Variants in MDN1 observed in about 807,000 individuals in gnomAD.
The protein encoded by MDN1 is midasin AAA ATPase 1.
MDN1 carries 266 observed loss-of-function variants against 669.2 expected under a neutral mutation model. The observed-to-expected ratio is 0.40, with a 90% confidence interval of 0.36 to 0.44. The LOEUF is 0.44. MDN1 is among the 20% of genes least tolerant of loss of function. The pLI is 1.00. For missense variants in MDN1, 5,940 were observed against 6,754.0 expected (o/e 0.88, Z 4.22); for synonymous variants, 2,385 against 2,457.1 (o/e 0.97, Z 0.87).
At chr6:89,716,565 T>A in intron 44 of MDN1, 85 bp downstream of exon 44, 1 of 1,446,504 alleles carries the variant, frequency 6.9e-7, no homozygotes, top group Non-Finnish European at 9.3e-7. Flanking sequence ...AGCTTCAAAA[T>A]ACCAGCACTT....
rs774954944 is a variant in MDN1 at position 89,819,653 on chromosome 6, G to C, written c.-46C>G. ...AGCGGCCACCTGCGCTCCCTACTTC[G>C]CGGCCAGCGTCCCCAAGCCGCCGAG... is the stretch of plus-strand genomic sequence containing the variant. On this transcript the variant is annotated 5_prime_UTR_variant, in exon 1 of 102. Transcript: ENST00000369393. The C allele has an allele frequency of 1.3e-6, 2 of 1,540,450 alleles. No homozygotes were observed. Among genetic ancestry groups the C allele is most frequent in the South Asian group, 2.2e-5 (2 of 89,750 alleles).
At chr6:89,684,695 T>C (rs569640535) in intron 71 of MDN1, among the ~76,000 whole-genome samples, 181 bp downstream of exon 71, 1 of 152,314 alleles carries the variant, frequency 6.6e-6, no homozygotes, top group South Asian at 2.1e-4. Context: ...TCACACACTC[T>C]GCAGGTGACA....
In MDN1 at chr6:89,794,107, T is replaced by G; in HGVS notation, c.655A>C (p.Arg219=). Residue 219 remains arginine (R), a synonymous_variant, in exon 4 of 102, where the codon AGG becomes CGG. Coordinates refer to ENST00000369393, the MANE Select transcript of MDN1 (RefSeq NM_014611.3). ...IFNSDELIHF[R]LRLLEEAQLQ... ...ACGAAGGTTCCTGCTTACCTCAACC[T>G]GAAATGGATCAATTCATCACTATTA... The G allele has an allele frequency of 6.3e-7, 1 of 1,575,680 alleles. No individual in the cohort carries two copies. The highest frequency in any genetic ancestry group is 1.9e-5 in the Admixed American group (1 of 51,298).
intron 94 of MDN1, 73 bp from the exon 95 acceptor site, chr6:89,652,354 C>T (rs533903663): frequency 7.6e-5 from 86 of 1,138,534 alleles, no homozygotes; most frequent in Admixed American, 5.9e-4. Flanking sequence ...GGGTGTCTTC[C>T]GCCCTACAGT....
chr6:89,776,955 T>C (rs757936686), intron 11 of MDN1, among the ~76,000 whole-genome samples: 2 of 152,150 alleles, frequency 1.3e-5, no homozygotes, highest in Non-Finnish European at 2.9e-5. Flanking sequence ...ACACCCCACT[T>C]TGCAAATCCT....
intron 2 of MDN1, chr6:89,797,988 G>A (rs1474305921): frequency 6.3e-6 from 1 of 158,106 alleles, no homozygotes; most frequent in Non-Finnish European, 1.4e-5. Context: ...AGACCATCCT[G>A]GCTAACACGG....
Position 89,718,910 on chromosome 6 carries a change from A to T in MDN1, c.6178T>A (p.Trp2060Arg), listed in dbSNP as rs1443852481. 1 of 1,614,182 alleles carries T rather than the reference A, an allele frequency of 6.2e-7. No homozygotes were observed. The highest frequency in any genetic ancestry group is 1.1e-5 in the South Asian group (1 of 91,076). The change falls in exon 42 of 102, where the codon TGG becomes AGG. Residue 2060 changes from tryptophan (W) to arginine (R), a missense_variant. Trp to Arg is a moderately radical substitution (Grantham distance 101). Around this residue, in one of 5 missense-constraint regions of MDN1, gnomAD observed 2,292 missense variants for 2,638.3 expected, o/e 0.87. Transcript: ENST00000369393. Reference protein sequence around the residue: ...ESIMKCVQMSWMVILVGPASV... With the variant: ...ESIMKCVQMSRMVILVGPASV... ...GCTGGCCCGACCAGGATGACCATCC[A>T]GCTCATCTGCACACACTTCATGATT...
rs1816416865 is a variant in MDN1, at chr6:89,743,694, C to G, written c.4199G>C (p.Cys1400Ser). The change falls in exon 30 of 102, where the codon TGT becomes TCT. Residue 1400 changes from cysteine (C) to serine (S), a missense_variant. By Grantham distance (112) the Cys-to-Ser change is moderately radical. Coordinates refer to ENST00000369393, the MANE Select transcript of MDN1 (RefSeq NM_014611.3). ...GDTGCGKTTI[C>S]QVFAALANQK... ...ATTTGCCAAGGCTGCAAATACCTGA[C>G]AGATAGTAGTTTTCCCACACCTGTT... is the stretch of plus-strand genomic sequence containing the variant. 3 of 1,614,064 alleles carry G rather than the reference C, an allele frequency of 1.9e-6. No homozygotes were observed. The highest frequency in any genetic ancestry group is 2.2e-5 in the East Asian group (1 of 44,872).
chr6:89,801,488 T>C (rs1767655368), intron 2 of MDN1, among the ~76,000 whole-genome samples: 1 of 152,022 alleles, frequency 6.6e-6, no homozygotes, highest in Non-Finnish European at 1.5e-5. Context: ...CCATCTCTAC[T>C]AAAAATACAA....
At chr6:89,723,757 A>G in intron 38 of MDN1, 138 bp from the exon 39 acceptor site, 2 of 489,584 alleles carry the variant, frequency 4.1e-6, no homozygotes, top group Non-Finnish European at 6.9e-6. Flanking sequence ...AGTTATAGAA[A>G]TTTCTTTTTT....
chr6:89,715,970 C>G (rs1473025081), intron 44 of MDN1, among the ~76,000 whole-genome samples: 1 of 152,160 alleles, frequency 6.6e-6, no homozygotes, highest in Non-Finnish European at 1.5e-5. Flanking sequence ...AGCCCAGGGC[C>G]TTATACACAG....
rs114499877 is a variant in MDN1 at position 89,712,762 on chromosome 6, G to A, written c.7243C>T (p.His2415Tyr). ...RKLVQALLEK[H>Y]VSSLRAHETW... ...TCATGTGCTCGCAAAGAAGAAACAT[G>A]TTTCTCCAGTAAAGCCTGTACAAGC... is the stretch of plus-strand genomic sequence containing the variant. Residue 2415 changes from histidine to tyrosine, a missense_variant, in exon 48 of 102, where the codon CAT becomes TAT. Physicochemically the swap from His to Tyr is moderately conservative, Grantham distance 83. Around this residue, in one of 5 missense-constraint regions of MDN1, gnomAD observed 2,292 missense variants for 2,638.3 expected, o/e 0.87. Coordinates refer to ENST00000369393, the MANE Select transcript of MDN1 (RefSeq NM_014611.3). 6.2e-7 allele frequency: 1 copy of A among 1,614,096 alleles called. No homozygotes were observed. The highest frequency in any genetic ancestry group is 1.3e-5 in the African/African-American group (1 of 75,030).
At chr6:89,755,379 CAAA>C (rs143855867) in intron 20 of MDN1, among the ~76,000 whole-genome samples, 53 of 121,190 alleles carry the variant, frequency 4.4e-4, no homozygotes, top group Middle Eastern at 4.3e-3. Flanking sequence ...CTCCTGTATC[CAAA>C]AAAAAAAAAA....
At position 89,650,074 on chromosome 6, in the gene MDN1, A is replaced by G; in HGVS notation, c.16156T>C (p.Cys5386Arg). Residue 5386 changes from cysteine to arginine, a missense_variant, in exon 97 of 102, where the codon TGT becomes CGT. This residue lies in a region of MDN1 where 2,280 missense variants were observed against 2,576.3 expected (regional missense o/e 0.88). Transcript: ENST00000369393. ...CTAGAAGAGTCATCGATAGCCAAAC[A>G]AATCTGATACTGGCGTTTACTGGGC... ...TKPSKRQYQICLAIDDSSSMV... is the reference protein window; with the variant it reads ...TKPSKRQYQIRLAIDDSSSMV... The G allele has an allele frequency of 1.2e-6, 2 of 1,614,144 alleles. No individual in the cohort carries two copies. The highest frequency in any genetic ancestry group is 2.2e-5 in the East Asian group (1 of 44,872).
rs533535879 is a variant in MDN1, at chr6:89,721,675, C to T, written c.5967+1280G>A. On this transcript the variant is annotated intron_variant, in intron 40 of 101. Transcript: ENST00000369393. The stretch of plus-strand genomic sequence containing the variant: ...GTGCAGCGGCCTTTGAAGCTTACTA[C>T]AGCCTCAAACTTCTGGGCTCAAGTG... 1.6e-4 allele frequency among the ~76,000 whole-genome samples: 24 copies of T among 152,272 alleles called. No homozygotes were observed. The East Asian group carries it at 4.6e-3, about 29-fold the overall frequency.
intron 17 of MDN1, among the ~76,000 whole-genome samples, chr6:89,759,805 C>T (rs1037097200): frequency 6.6e-6 from 1 of 151,560 alleles, no homozygotes; most frequent in African/African-American, 2.4e-5. Flanking sequence ...GGGGCAATGG[C>T]TCATGCCTGT....
intron 7 of MDN1, among the ~76,000 whole-genome samples, chr6:89,788,253 C>T (rs1819071649): frequency 6.6e-6 from 1 of 152,120 alleles, no homozygotes; most frequent in African/African-American, 2.4e-5. Context: ...GGCAGGCATG[C>T]AAATTCCCAC....
At chr6:89,779,542 G>A (rs1240724576) in intron 11 of MDN1, among the ~76,000 whole-genome samples, 3 of 152,076 alleles carry the variant, frequency 2.0e-5, no homozygotes, top group East Asian at 1.9e-4. Context: ...TAGAGGGATC[G>A]GATAGTTACA....
intron 83 of MDN1, among the ~76,000 whole-genome samples, chr6:89,670,170 ATTT>A (rs766450069): frequency 1.7e-4 from 4 of 23,414 alleles, no homozygotes; most frequent in South Asian, 2.3e-3. Context: ...ATATATATAT[ATTT>A]TTTTTTTTTT....
Sources: gnomAD v4.1 joint callset for allele counts (sites outside exome capture counted in the v4.1 genomes callset) on GRCh38, gnomAD v4.1.1 for gene constraint, gnomAD v4.1.1 regional missense constraint, MANE v1.5 for transcripts, NCBI Gene and HGNC (gene_info 2026-07-23, HGNC 2026-07-21) for gene names.